Variants in CNGB3 observed in about 807,000 individuals in gnomAD.
CNGB3 encodes the protein cyclic nucleotide gated channel subunit beta 3.
CNGB3 carries 86 observed loss-of-function variants against 92.8 expected under a neutral mutation model. The ratio of observed to expected loss-of-function variants is 0.93; its 90% CI spans 0.78 to 1.11. The LOEUF is 1.11. CNGB3 is among the 50% of genes least tolerant of loss of function. The pLI is 0.00. For missense variants in CNGB3, 1,026 were observed against 956.8 expected, an observed-to-expected ratio of 1.07 and a Z score of -0.95; for synonymous variants, 333 against 332.7, an observed-to-expected ratio of 1.00 and a Z score of -0.01.
At chr8:86,649,015 A>G (rs929759204) in intron 7 of CNGB3, among the ~76,000 whole-genome samples, 1 of 151,474 alleles carries the variant, frequency 6.6e-6, no homozygotes, top group African/African-American at 2.4e-5. Flanking sequence ...ATACACATAC[A>G]AAAATGACCA....
chr8:86,707,145 C>T (rs1373194026), intron 3 of CNGB3, among the ~76,000 whole-genome samples: 2 of 152,160 alleles, frequency 1.3e-5, no homozygotes, highest in African/African-American at 2.4e-5. Context: ...TCCATCCATC[C>T]ATTCATTCAA....
intron 6 of CNGB3, chr8:86,660,839 A>C (rs889165521): frequency 4.6e-6 from 2 of 437,258 alleles, no homozygotes; most frequent in Admixed American, 2.5e-5. Flanking sequence ...TAACTTGGCA[A>C]TTCAGTTTAA....
At chr8:86,703,035 G>A (rs978133) in intron 3 of CNGB3, among the ~76,000 whole-genome samples, 43,078 of 151,862 alleles carry the variant, frequency 0.28, 6,410 homozygotes, top group East Asian at 0.4. Context: ...TTTTTGGCAT[G>A]CCATAAGGAG....
intron 7 of CNGB3, among the ~76,000 whole-genome samples, chr8:86,650,843 T>A (rs1348938798): frequency 6.6e-6 from 1 of 151,642 alleles, no homozygotes; most frequent in Non-Finnish European, 1.5e-5. Flanking sequence ...AGTCATTATA[T>A]GAAAAAGACA....
intron 13 of CNGB3, among the ~76,000 whole-genome samples, chr8:86,616,003 T>C (rs1287488068): frequency 1.3e-5 from 2 of 152,164 alleles, no homozygotes; most frequent in South Asian, 2.1e-4. Context: ...CAGGGACAGA[T>C]AGCAGCAGTG....
At chr8:86,673,780 C>T (rs997670424) in intron 3 of CNGB3, among the ~76,000 whole-genome samples, 4 of 43,988 alleles carry the variant, frequency 9.1e-5, no homozygotes, top group African/African-American at 2.5e-4. Flanking sequence ...TATGAAGTAG[C>T]GGCATGAAAA....
chr8:86,668,532 C>T (rs533696614), intron 4 of CNGB3, among the ~76,000 whole-genome samples: 1 of 152,208 alleles, frequency 6.6e-6, no homozygotes, highest in Admixed American at 6.5e-5. Flanking sequence ...GTTTATGAAT[C>T]TTCCTCTTTT....
intron 3 of CNGB3, among the ~76,000 whole-genome samples, chr8:86,684,341 A>C (rs576979212): frequency 1.3e-5 from 2 of 152,246 alleles, no homozygotes; most frequent in East Asian, 3.9e-4. Flanking sequence ...AATAGTGACA[A>C]CACCAAATGC....
intron 11 of CNGB3, among the ~76,000 whole-genome samples, chr8:86,631,705 C>G (rs1030992615): frequency 6.6e-6 from 1 of 152,122 alleles, no homozygotes; most frequent in Non-Finnish European, 1.5e-5. Flanking sequence ...CAATTTTTAG[C>G]TCTTAGTGTT....
At position 86,585,252 on chromosome 8, in the gene CNGB3, CACAT is replaced by C. The variant is rs1419087959; in HGVS notation, c.1782-6004_1782-6001del. ...ACACACACATACACACATACATTTT[CACAT>C]ACATACATAAATAGCATATGCAACA... On this transcript the variant is annotated intron_variant, in intron 15 of 17. Transcript: ENST00000320005. Among the ~76,000 whole-genome samples, 4 of 152,016 alleles carry C rather than the reference CACAT, an allele frequency of 2.6e-5. No homozygotes were observed. In the South Asian group the frequency reaches 6.2e-4, roughly 24 times the overall value.
chr8:86,586,209 T>A (rs1038587198), intron 15 of CNGB3, among the ~76,000 whole-genome samples: 1 of 152,196 alleles, frequency 6.6e-6, no homozygotes, highest in African/African-American at 2.4e-5. Context: ...TAAAGATGAT[T>A]AACACCTGCC....
intron 3 of CNGB3, among the ~76,000 whole-genome samples, chr8:86,714,761 G>A (rs184865998): frequency 6.6e-6 from 1 of 152,266 alleles, no homozygotes; most frequent in African/African-American, 2.4e-5. Context: ...CTCAGCCCTG[G>A]TCACTGGCTG....
rs577006745 is a variant in CNGB3 at position 86,628,999 on chromosome 8, T to C, written c.1400A>G (p.Asn467Ser). The C allele has an allele frequency of 1.9e-6, 3 of 1,614,060 alleles. No homozygotes were observed. Among genetic ancestry groups the C allele is most frequent in the African/African-American group, 2.7e-5 (2 of 75,054 alleles). ...ACMDDTIAYMNNYSIPKLVQK... is the reference protein window; with the variant it reads ...ACMDDTIAYMSNYSIPKLVQK... ...CACAAGTTTAGGAATGGAGTAATTG[T>C]TCATGTAGGCAATGGTGTCATCCAT... The change falls in exon 12 of 18, where the codon AAC (asparagine) becomes AGC (serine). Residue 467 changes from asparagine (N) to serine (S), a missense_variant. Asn to Ser is a conservative substitution (Grantham distance 46, BLOSUM62 1). Transcript: ENST00000320005.
Position 86,647,311 on chromosome 8 carries a change from T to C in CNGB3, c.990+490A>G, listed in dbSNP as rs138451596. On this transcript the variant is annotated intron_variant, in intron 8 of 17. Coordinates refer to ENST00000320005, the MANE Select transcript of CNGB3 (RefSeq NM_019098.5). ...TGTAAGTAAATGTGATGTGAAAGTA[T>C]GTGCTCACATACTTGTGAAAGCATG... Among the ~76,000 whole-genome samples, 670 of 151,114 alleles carry C rather than the reference T, an allele frequency of 4.4e-3. 7 individuals are homozygous for C. The highest frequency in any genetic ancestry group is 0.015 in the African/African-American group (636 of 41,442).
chr8:86,594,468 C>G (rs571645381), intron 15 of CNGB3: 4 of 280,922 alleles, frequency 1.4e-5, no homozygotes, highest in South Asian at 1.3e-4. Flanking sequence ...GTGGTAAAGA[C>G]GTGGTCCAGG....
At chr8:86,660,275 G>A (rs908951946) in intron 6 of CNGB3, 7 of 318,924 alleles carry the variant, frequency 2.2e-5, no homozygotes, top group Non-Finnish European at 3.7e-5. Flanking sequence ...TGCTCTGTAG[G>A]GTTTCTTCAG....
At chr8:86,626,205 G>A (rs2131580573) in intron 12 of CNGB3, 125 bp from the exon 13 acceptor site, 1 of 714,186 alleles carries the variant, frequency 1.4e-6, no homozygotes. Context: ...TACATAATTA[G>A]ATGCATCAGA....
chr8:86,670,047 A>AC (rs1456546173), intron 4 of CNGB3, among the ~76,000 whole-genome samples: 1 of 152,032 alleles, frequency 6.6e-6, no homozygotes, highest in Non-Finnish European at 1.5e-5. Flanking sequence ...ACAGGGTTTC[A>AC]CCATGTTGGC....
chr8:86,676,694 T>A (rs1175236451), intron 3 of CNGB3, among the ~76,000 whole-genome samples: 1 of 152,166 alleles, frequency 6.6e-6, no homozygotes, highest in Non-Finnish European at 1.5e-5. Flanking sequence ...CTGCCAACAT[T>A]TGTGTCCACC....
Sources: allele counts gnomAD v4.1 joint callset (sites outside exome capture counted in the v4.1 genomes callset), GRCh38; gene constraint gnomAD v4.1.1; transcripts MANE v1.5; gene names NCBI Gene and HGNC (gene_info 2026-07-23, HGNC 2026-07-21).